Variants in GRM5 observed in about 807,000 individuals in gnomAD.
GRM5 encodes metabotropic glutamate receptor 5.
In GRM5, 19 loss-of-function variants were observed where a neutral mutation model predicts 83.1. That is an observed-to-expected ratio of 0.23 (90% CI 0.16 to 0.34). The LOEUF (loss-of-function observed/expected upper bound fraction) is 0.34, where lower values mean the gene tolerates loss of function less well. Among genes scored for constraint, GRM5 ranks in the 10% least tolerant of loss-of-function variants. GRM5 has a pLI of 1.00. For missense variants in GRM5, 1,160 were observed against 1,588.3 expected, an observed-to-expected ratio of 0.73 and a Z score of 4.58; for synonymous variants, 675 against 633.6, an observed-to-expected ratio of 1.07 and a Z score of -0.98.
intron 2 of GRM5, among the ~76,000 whole-genome samples, chr11:88,870,378 C>A (rs543043970): frequency 1.3e-5 from 2 of 151,384 alleles, no homozygotes; most frequent in South Asian, 4.2e-4. Context: ...ATAAGGGTGA[C>A]TGGAGGCAAA....
At chr11:89,016,029 C>A (rs1410385911) in intron 2 of GRM5, among the ~76,000 whole-genome samples, 1 of 151,768 alleles carries the variant, frequency 6.6e-6, no homozygotes, top group Non-Finnish European at 1.5e-5. Context: ...ACAATCAAAA[C>A]CCAGTTGGAA....
chr11:88,832,626 A>G (rs894138578), intron 3 of GRM5, among the ~76,000 whole-genome samples: 1 of 152,142 alleles, frequency 6.6e-6, no homozygotes, highest in African/African-American at 2.4e-5. Flanking sequence ...CTTAAAATTT[A>G]TATGGAATCA....
intron 1 of GRM5, among the ~76,000 whole-genome samples, chr11:89,061,011 C>A (rs968542694): frequency 2.6e-5 from 4 of 152,208 alleles, no homozygotes; most frequent in African/African-American, 9.6e-5. Context: ...GCAGAATCTT[C>A]CTGCTTTGTA....
rs190356360 is a variant in GRM5, at chr11:88,879,866, T to C, written c.662-29711A>G. ...TTTCTTTGCAGCAAATTTTCAGTCT[T>C]TATTAAATATTACTTAATATTTCCA... On this transcript the variant is annotated intron_variant, in intron 2 of 9. Coordinates refer to ENST00000305447, the MANE Select transcript of GRM5 (RefSeq NM_001143831.3). 2.0e-5 allele frequency among the ~76,000 whole-genome samples: 3 copies of C among 152,168 alleles called. No individual in the cohort carries two copies. In the East Asian group the frequency reaches 5.8e-4, roughly 29 times the overall value.
At chr11:89,006,492 C>G (rs1056749410) in intron 2 of GRM5, among the ~76,000 whole-genome samples, 1 of 152,156 alleles carries the variant, frequency 6.6e-6, no homozygotes, top group Admixed American at 6.5e-5. Flanking sequence ...TAAATGCACA[C>G]CAGATCAAGT....
intron 8 of GRM5, among the ~76,000 whole-genome samples, chr11:88,526,877 G>T (rs1022819983): frequency 6.6e-6 from 1 of 152,034 alleles, no homozygotes; most frequent in African/African-American, 2.4e-5. Flanking sequence ...TTGCACTACA[G>T]ATGTAAAGAT....
intron 2 of GRM5, among the ~76,000 whole-genome samples, chr11:89,000,837 G>C (rs1433942376): frequency 6.6e-6 from 1 of 151,770 alleles, no homozygotes; most frequent in Non-Finnish European, 1.5e-5. Flanking sequence ...CTAGAATATA[G>C]AAAGACTTAA....
At chr11:88,648,221 T>C (rs1268638177) in intron 4 of GRM5, among the ~76,000 whole-genome samples, 2 of 149,570 alleles carry the variant, frequency 1.3e-5, no homozygotes, top group East Asian at 2.0e-4. Flanking sequence ...TATTGCGGCA[T>C]TATTCACAAT....
chr11:88,819,038 A>T (rs1344372956), intron 3 of GRM5, among the ~76,000 whole-genome samples: 1 of 152,182 alleles, frequency 6.6e-6, no homozygotes, highest in Non-Finnish European at 1.5e-5. Flanking sequence ...ATTGGTTTAA[A>T]CTTCCAGCTC....
intron 3 of GRM5, among the ~76,000 whole-genome samples, chr11:88,775,022 T>C (rs1319912092): frequency 6.6e-6 from 1 of 152,218 alleles, no homozygotes; most frequent in Non-Finnish European, 1.5e-5. Flanking sequence ...TCAGAAGGAA[T>C]GGTACCAGCT....
chr11:88,781,204 G>C (rs1942969510), intron 3 of GRM5, among the ~76,000 whole-genome samples: 1 of 151,202 alleles, frequency 6.6e-6, no homozygotes, highest in Non-Finnish European at 1.5e-5. Context: ...GCATGTGGGA[G>C]AGGAAGTGTT....
At chr11:88,955,107 ACAAG>A (rs1244761590) in intron 2 of GRM5, among the ~76,000 whole-genome samples, 8 of 152,350 alleles carry the variant, frequency 5.3e-5, no homozygotes, top group African/African-American at 1.7e-4. Flanking sequence ...CACAAAGCCA[ACAAG>A]CAAGTAATTT....
At chr11:88,969,407 C>T (rs555847697) in intron 2 of GRM5, among the ~76,000 whole-genome samples, 1 of 152,130 alleles carries the variant, frequency 6.6e-6, no homozygotes, top group East Asian at 1.9e-4. Flanking sequence ...GATCTAACTG[C>T]TTCTTGCGGA....
intron 2 of GRM5, among the ~76,000 whole-genome samples, chr11:88,891,853 A>G (rs2135585799): frequency 6.6e-6 from 1 of 152,188 alleles, no homozygotes; most frequent in Non-Finnish European, 1.5e-5. Flanking sequence ...CTCATGAAGA[A>G]CTGAAATGTT....
rs781319056 is a variant in GRM5 at position 88,507,965 on chromosome 11, C to T, written c.*627G>A. ...AGGAAAATCTCTGGTAGAAGCCCTA[C>T]GTAGTACATTAGCGCAGCACTCACT... On this transcript the variant is annotated 3_prime_UTR_variant, in exon 10 of 10. Coordinates refer to ENST00000305447, the MANE Select transcript of GRM5 (RefSeq NM_001143831.3). 2.6e-5 allele frequency: 4 copies of T among 152,454 alleles called. No individual in the cohort carries two copies. The highest frequency in any genetic ancestry group is 7.2e-5 in the African/African-American group (3 of 41,412). 9.4% of individuals were successfully genotyped at this position (152,454 alleles called of 1,614,324 possible). A position where few individuals can be genotyped will look rare whatever the true frequency, so the allele number is the denominator to read the frequency against.
chr11:88,790,299 C>T (rs1943149297), intron 3 of GRM5, among the ~76,000 whole-genome samples: 1 of 152,232 alleles, frequency 6.6e-6, no homozygotes, highest in Non-Finnish European at 1.5e-5. Context: ...ACATCACACA[C>T]TGCACAGTGT....
intron 2 of GRM5, among the ~76,000 whole-genome samples, chr11:88,905,983 G>C (rs1048406457): frequency 2.7e-4 from 41 of 152,078 alleles, no homozygotes; most frequent in African/African-American, 9.9e-4. Flanking sequence ...TAAAGGACAA[G>C]ATCTGAAAAC....
rs912913066 is a variant in GRM5, at chr11:88,613,211, C to A, written c.1148-8247G>T. Among the ~76,000 whole-genome samples the A allele has an allele frequency of 2.0e-5, 3 of 152,200 alleles. No individual in the cohort carries two copies. The South Asian group carries it at 6.2e-4, about 32-fold the overall frequency. The stretch of plus-strand genomic sequence containing the variant: ...GATTGTTCTGTAGATGTGTAATTAG[C>A]TCCAATTGGTCAAGTCTTGAGTTTA... On this transcript the variant is annotated intron_variant, in intron 4 of 9. Coordinates refer to ENST00000305447, the MANE Select transcript of GRM5 (RefSeq NM_001143831.3).
chr11:88,780,169 T>G (rs527374440), intron 3 of GRM5, among the ~76,000 whole-genome samples: 1 of 152,214 alleles, frequency 6.6e-6, no homozygotes, highest in Non-Finnish European at 1.5e-5. Flanking sequence ...AACAATTAAT[T>G]GTACAATCAT....
Sources: allele counts gnomAD v4.1 joint callset (sites outside exome capture counted in the v4.1 genomes callset), GRCh38; gene constraint gnomAD v4.1.1; transcripts MANE v1.5; gene names NCBI Gene and HGNC (gene_info 2026-07-23, HGNC 2026-07-21).